The following RARB variants were observed in gnomAD, a reference collection of about 807,000 sequenced individuals.
The protein encoded by RARB is HBV-activated protein.
A neutral mutation model predicts 51.9 loss-of-function variants in RARB; 17 were observed. That is an observed-to-expected ratio of 0.33 (90% confidence interval 0.22 to 0.49). RARB has a LOEUF of 0.49. RARB is among the 20% of genes least tolerant of loss of function. RARB has a pLI of 0.99. For synonymous variants in RARB, 215 were observed against 195.4 expected, an observed-to-expected ratio of 1.10 and a Z score of -0.84; for missense variants, 369 against 550.8, an observed-to-expected ratio of 0.67 and a Z score of 3.30.
rs564983855 is a variant in RARB at position 24,906,920 on chromosome 3, A to G, written c.-380+48168A>G. On this transcript the variant is annotated intron_variant, in intron 2 of 11. Coordinates refer to the RARB transcript ENST00000383772. Reference sequence around the variant, plus strand: ...TCAAATCACAAGAAACCTGGAGGATATAATATTCAGTATTGTTGTTGGATC... The same window carrying G: ...TCAAATCACAAGAAACCTGGAGGATGTAATATTCAGTATTGTTGTTGGATC... 1.2e-4 allele frequency among the ~76,000 whole-genome samples: 18 copies of G among 151,920 alleles called. No individual in the cohort carries two copies. In the South Asian group the frequency reaches 3.5e-3, roughly 30 times the overall value.
intron 3 of RARB, among the ~76,000 whole-genome samples, chr3:25,513,115 TAAAAAAAAAAAAAA>T (rs11420573): frequency 2.0e-5 from 2 of 98,498 alleles, no homozygotes; most frequent in South Asian, 6.9e-4. Flanking sequence ...CTGTCTTTAC[TAAAAAAAAAAAAAA>T]AAAAAAAAGT....
intron 3 of RARB, among the ~76,000 whole-genome samples, chr3:25,128,043 C>A (rs1319447345): frequency 6.6e-6 from 1 of 152,032 alleles, no homozygotes; most frequent in Non-Finnish European, 1.5e-5. Flanking sequence ...CATTTGCTAA[C>A]CGGTTGCCTA....
chr3:25,091,854 C>T lies in RARB; in HGVS notation c.-328+31678C>T, dbSNP rs1699205068. Among the ~76,000 whole-genome samples the T allele has an allele frequency of 2.0e-5, 3 of 152,140 alleles. No individual in the cohort carries two copies. The South Asian group carries it at 6.2e-4, about 32-fold the overall frequency. ...GCTGTGATCATATTGGTTTGGTCTGCATATTCTGCAAGTTATCTCAAAATT... is the reference window on the plus strand; with the variant it reads ...GCTGTGATCATATTGGTTTGGTCTGTATATTCTGCAAGTTATCTCAAAATT... On this transcript the variant is annotated intron_variant, in intron 3 of 11. Coordinates refer to the RARB transcript ENST00000383772.
intron 5 of RARB, among the ~76,000 whole-genome samples, chr3:25,280,014 A>G (rs906115195): frequency 1.3e-5 from 2 of 152,148 alleles, no homozygotes; most frequent in African/African-American, 4.8e-5. Flanking sequence ...AGGCTTCCAT[A>G]ACAAAAGGCA....
intron 2 of RARB, among the ~76,000 whole-genome samples, chr3:25,479,610 G>A (rs943239160): frequency 1.3e-5 from 2 of 152,194 alleles, no homozygotes; most frequent in Non-Finnish European, 2.9e-5. Context: ...TGATGGAAGT[G>A]TTTTTGACAG....
intron 2 of RARB, among the ~76,000 whole-genome samples, chr3:25,002,053 G>C (rs1254181320): frequency 1.3e-5 from 2 of 152,136 alleles, no homozygotes; most frequent in Non-Finnish European, 2.9e-5. Context: ...TTACAGGCAT[G>C]AGCCACCATA....
chr3:25,184,984 C>A (rs1053818158), intron 5 of RARB, among the ~76,000 whole-genome samples: 3 of 152,168 alleles, frequency 2.0e-5, no homozygotes, highest in African/African-American at 4.8e-5. Context: ...CATCCACTTA[C>A]TAGCAAAAAT....
Position 25,338,221 on chromosome 3 carries a change from C to T in RARB, c.179-122972C>T, listed in dbSNP as rs188949109. ...ACTTAGACCATAAAAGCCCTAATTT[C>T]CTAATCCATTGCATTTCAGCCTCTT... On this transcript the variant is annotated intron_variant, in intron 5 of 11. Transcript: ENST00000383772. Among the ~76,000 whole-genome samples the T allele has an allele frequency of 5.9e-5, 9 of 152,130 alleles. No individual in the cohort carries two copies. In the East Asian group the frequency reaches 1.4e-3, roughly 23 times the overall value.
intron 5 of RARB, among the ~76,000 whole-genome samples, chr3:25,225,767 G>T (rs970472761): frequency 6.6e-6 from 1 of 152,176 alleles, no homozygotes; most frequent in African/African-American, 2.4e-5. Context: ...AATATTGACA[G>T]TAGTCTTTTT....
chr3:25,328,977 G>A (rs986106823), intron 5 of RARB, among the ~76,000 whole-genome samples: 16 of 152,180 alleles, frequency 1.1e-4, no homozygotes, highest in Non-Finnish European at 2.2e-4. Flanking sequence ...GGCTAGGGGA[G>A]GGGCGTCCAC....
chr3:25,410,325 GTC>G (rs923611727), intron 5 of RARB, among the ~76,000 whole-genome samples: 2 of 152,118 alleles, frequency 1.3e-5, no homozygotes, highest in African/African-American at 2.4e-5. Flanking sequence ...TCACAAATCT[GTC>G]TCTCTTACTT....
At chr3:25,471,943 T>C (rs1399403867) in intron 2 of RARB, among the ~76,000 whole-genome samples, 4 of 152,096 alleles carry the variant, frequency 2.6e-5, no homozygotes, top group Non-Finnish European at 4.4e-5. Flanking sequence ...CCCTCTACCT[T>C]CTCATTGTCA....
intron 5 of RARB, among the ~76,000 whole-genome samples, chr3:25,317,076 A>G (rs1278341863): frequency 1.1e-4 from 17 of 152,154 alleles, no homozygotes; most frequent in Admixed American, 7.9e-4. Context: ...TTTGATTATT[A>G]TAAGTCGTGT....
At chr3:25,438,296 A>G (rs1296215045) in intron 1 of RARB, among the ~76,000 whole-genome samples, 2 of 152,166 alleles carry the variant, frequency 1.3e-5, no homozygotes, top group Admixed American at 6.5e-5. Flanking sequence ...CGCTTTCACT[A>G]TATTCTGCTG....
chr3:25,154,321 T>C (rs559502591), intron 4 of RARB, among the ~76,000 whole-genome samples: 50 of 152,342 alleles, frequency 3.3e-4, no homozygotes, highest in African/African-American at 1.2e-3. Flanking sequence ...GGTACCGTTA[T>C]TTGCTTGGTT....
At chr3:25,015,773 A>C (rs1416712006) in intron 2 of RARB, among the ~76,000 whole-genome samples, 1 of 152,218 alleles carries the variant, frequency 6.6e-6, no homozygotes, top group Admixed American at 6.5e-5. Context: ...TATGCATGTG[A>C]ATATGAACTG....
Position 25,421,014 on chromosome 3 carries a change from G to A in RARB, c.179-40179G>A, listed in dbSNP as rs562058639. ...GCCAAAAAAAAAAAAAAAAAACAGAGTCATATGATCTATTATGATCTATTT... is the reference window on the plus strand; with the variant it reads ...GCCAAAAAAAAAAAAAAAAAACAGAATCATATGATCTATTATGATCTATTT... On this transcript the variant is annotated intron_variant, in intron 5 of 11. Transcript: ENST00000383772. Among the ~76,000 whole-genome samples the A allele has an allele frequency of 2.4e-3, 326 of 137,800 alleles. 3 individuals are homozygous for A. Among genetic ancestry groups the A allele is most frequent in the African/African-American group, 7.7e-3 (299 of 38,926 alleles). 90.4% of individuals were successfully genotyped at this position (137,800 alleles called of 152,430 possible).
At chr3:25,425,250 CATT>C (rs1559395135), upstream of RARB, among the ~76,000 whole-genome samples, 1 of 152,172 alleles carries the variant, frequency 6.6e-6, no homozygotes, top group Non-Finnish European at 1.5e-5. Flanking sequence ...CTACCCTACT[CATT>C]AATCTTTATA....
At chr3:25,587,053 G>A (rs563870321) in intron 5 of RARB, among the ~76,000 whole-genome samples, 98 of 152,310 alleles carry the variant, frequency 6.4e-4, no homozygotes, top group African/African-American at 2.3e-3. Context: ...CTGCCATTTA[G>A]GAGCTGAGTG....
Sources: gnomAD v4.1 joint callset for allele counts (sites outside exome capture counted in the v4.1 genomes callset) on GRCh38, gnomAD v4.1.1 for gene constraint, MANE v1.5 for transcripts, NCBI Gene and HGNC (gene_info 2026-07-23, HGNC 2026-07-21) for gene names.